ZFHX3: variants seen among roughly 807,000 people sequenced by gnomAD.
ZFHX3 encodes zinc finger homeobox 3.
A neutral mutation model predicts 279.1 loss-of-function variants in ZFHX3; 42 were observed. The ratio of observed to expected loss-of-function variants is 0.15; its 90% CI spans 0.12 to 0.19. The LOEUF (loss-of-function observed/expected upper bound fraction) is 0.19. Among genes scored for constraint, ZFHX3 ranks in the 10% least tolerant of loss-of-function variants. ZFHX3 has a pLI of 1.00. For synonymous variants in ZFHX3, 2,293 were observed against 1,957.8 expected (o/e 1.17, Z -4.52); for missense variants, 4,981 against 4,754.0 (o/e 1.05, Z -1.40).
intron 2 of ZFHX3, among the ~76,000 whole-genome samples, chr16:73,676,406 A>G (rs1344033119): frequency 4.2e-5 from 1 of 23,576 alleles, no homozygotes; most frequent in African/African-American, 2.4e-4. Context: ...AGACATAATG[A>G]CTTTTTTCCC....
At chr16:73,205,893 C>T (rs2011778864) in intron 5 of ZFHX3, among the ~76,000 whole-genome samples, 1 of 152,130 alleles carries the variant, frequency 6.6e-6, no homozygotes, top group Non-Finnish European at 1.5e-5. Context: ...CAGATTATAC[C>T]ATCACTCTAA....
At chr16:73,177,183 C>T (rs1450429403) in intron 5 of ZFHX3, among the ~76,000 whole-genome samples, 1 of 152,116 alleles carries the variant, frequency 6.6e-6, no homozygotes, top group African/African-American at 2.4e-5. Context: ...GCCAACCAAC[C>T]AACCAACCAA....
chr16:73,161,965 T>C (rs1047373356), intron 5 of ZFHX3, among the ~76,000 whole-genome samples: 4 of 152,230 alleles, frequency 2.6e-5, no homozygotes, highest in East Asian at 1.9e-4. Context: ...ATATGATTTA[T>C]ACTTGGGAAC....
intron 3 of ZFHX3, among the ~76,000 whole-genome samples, chr16:73,341,378 TA>T (rs1378022770): frequency 2.0e-5 from 3 of 151,876 alleles, no homozygotes; most frequent in East Asian, 1.9e-4. Context: ...AAAAGGCCAA[TA>T]AAAAATGGAT....
intron 2 of ZFHX3, among the ~76,000 whole-genome samples, chr16:73,567,035 A>T (rs1038070970): frequency 6.6e-6 from 1 of 151,832 alleles, no homozygotes; most frequent in Admixed American, 6.6e-5. Flanking sequence ...TTGTAGAGAT[A>T]GGGGGGTATC....
At chr16:73,484,498 G>A (rs571212640) in intron 2 of ZFHX3, among the ~76,000 whole-genome samples, 1 of 152,188 alleles carries the variant, frequency 6.6e-6, no homozygotes, top group African/African-American at 2.4e-5. Flanking sequence ...TGGGCCACCG[G>A]CATATCAGAT....
chr16:73,591,875 T>C (rs894413824), intron 2 of ZFHX3, among the ~76,000 whole-genome samples: 1 of 151,866 alleles, frequency 6.6e-6, no homozygotes, highest in Admixed American at 6.6e-5. Context: ...GGATATTTGA[T>C]GATATTAAAT....
chr16:73,255,719 G>A (rs759935583), intron 5 of ZFHX3, among the ~76,000 whole-genome samples: 9 of 152,308 alleles, frequency 5.9e-5, no homozygotes, highest in Non-Finnish European at 1.0e-4. Context: ...CCTTAAAGAC[G>A]TAAGTCTTTT....
chr16:73,033,633 G>A (rs536888023), intron 1 of ZFHX3, among the ~76,000 whole-genome samples: 1 of 152,270 alleles, frequency 6.6e-6, no homozygotes, highest in African/African-American at 2.4e-5. Context: ...CAGCGCCGGG[G>A]CCCCTTCCAC....
intron 3 of ZFHX3, among the ~76,000 whole-genome samples, chr16:73,347,885 C>T (rs2016151386): frequency 6.6e-6 from 1 of 152,194 alleles, no homozygotes. Flanking sequence ...TAAGCAAGAA[C>T]TTTGATTCCC....
intron 5 of ZFHX3, among the ~76,000 whole-genome samples, chr16:73,225,722 T>G (rs1462020582): frequency 2.0e-5 from 3 of 152,246 alleles, no homozygotes; most frequent in African/African-American, 7.2e-5. Flanking sequence ...TCATGACCCA[T>G]GAACACTGTG....
chr16:73,067,211 G>T (rs187195263), intron 8 of ZFHX3, among the ~76,000 whole-genome samples: 50 of 152,308 alleles, frequency 3.3e-4, no homozygotes, highest in African/African-American at 9.1e-4. Flanking sequence ...AAAAAAGAAA[G>T]CGGGCAGATT....
At chr16:73,585,977 G>A (rs1435495313) in intron 2 of ZFHX3, among the ~76,000 whole-genome samples, 1 of 152,136 alleles carries the variant, frequency 6.6e-6, no homozygotes, top group Non-Finnish European at 1.5e-5. Context: ...GAAATAAAAT[G>A]TATATGGAAA....
At chr16:73,247,093 C>T (rs1369006290) in intron 5 of ZFHX3, among the ~76,000 whole-genome samples, 1 of 151,518 alleles carries the variant, frequency 6.6e-6, no homozygotes, top group Non-Finnish European at 1.5e-5. Flanking sequence ...TGTGTGTGTA[C>T]TGCATATATA....
intron 4 of ZFHX3, among the ~76,000 whole-genome samples, chr16:73,304,926 T>G (rs2015145088): frequency 6.6e-6 from 1 of 152,158 alleles, no homozygotes; most frequent in South Asian, 2.1e-4. Context: ...TGGGAGCATG[T>G]CAGTAGCTGC....
At chr16:73,032,212 GGATCGCTT>G (rs1424701408) in intron 1 of ZFHX3, among the ~76,000 whole-genome samples, 1 of 152,122 alleles carries the variant, frequency 6.6e-6, no homozygotes, top group Admixed American at 6.5e-5. Flanking sequence ...TGAGGTGGGA[GGATCGCTT>G]GAGCCCAGGA....
At chr16:73,172,931 G>GTTTTTTTTTTTTT (rs376709821) in intron 5 of ZFHX3, among the ~76,000 whole-genome samples, 6 of 97,160 alleles carry the variant, frequency 6.2e-5, no homozygotes, top group Non-Finnish European at 9.7e-5. Context: ...GCTGCCTGTG[G>GTTTTTTTTTTTTT]TTTTTTTTTT....
chr16:73,821,496 C>A (rs1316367129), intron 1 of ZFHX3, among the ~76,000 whole-genome samples: 1 of 152,194 alleles, frequency 6.6e-6, no homozygotes, highest in Non-Finnish European at 1.5e-5. Flanking sequence ...ACCCTCTAAG[C>A]CTCAGAGTTC....
intron 4 of ZFHX3, among the ~76,000 whole-genome samples, chr16:72,882,226 G>T (rs1017743440): frequency 3.4e-5 from 5 of 147,004 alleles, no homozygotes; most frequent in Non-Finnish European, 7.4e-5. Flanking sequence ...GCAGTGAGTG[G>T]CCACAGTATC....
Sources: allele counts gnomAD v4.1 joint callset (sites outside exome capture counted in the v4.1 genomes callset), GRCh38; gene constraint gnomAD v4.1.1; transcripts MANE v1.5; gene names NCBI Gene and HGNC (gene_info 2026-07-23, HGNC 2026-07-21).